Variants in CD83 observed in about 807,000 individuals in gnomAD.
CD83 encodes the protein CD83 antigen.
A neutral mutation model predicts 24.6 loss-of-function variants in CD83; 22 were observed. The observed-to-expected ratio is 0.90, with a 90% CI of 0.64 to 1.28. The LOEUF is 1.28. CD83 is among the 50% of genes most tolerant of loss of function. The pLI is 0.00. For missense variants in CD83, 253 were observed against 252.8 expected (o/e 1.00, Z -0.01); for synonymous variants, 101 against 103.5 (o/e 0.98, Z 0.14).
chr6:14,127,404 TAGGA>T (rs1759844349), intron 2 of CD83, among the ~76,000 whole-genome samples: 1 of 152,180 alleles, frequency 6.6e-6, no homozygotes, highest in African/African-American at 2.4e-5. Context: ...TATGGTAATG[TAGGA>T]GGTTGGCATA....
chr6:14,120,214 A>G (rs1446716929), intron 2 of CD83, among the ~76,000 whole-genome samples: 1 of 152,236 alleles, frequency 6.6e-6, no homozygotes, highest in African/African-American at 2.4e-5. Context: ...AGGTGCCTCG[A>G]AAGTGACATA....
At chr6:14,124,160 G>A (rs971155284) in intron 2 of CD83, among the ~76,000 whole-genome samples, 5 of 152,124 alleles carry the variant, frequency 3.3e-5, no homozygotes, top group Admixed American at 6.5e-5. Context: ...TAAAATTTCC[G>A]TGTGTGTCAT....
intron 2 of CD83, among the ~76,000 whole-genome samples, chr6:14,124,951 A>T (rs1260269170): frequency 3.9e-5 from 6 of 152,296 alleles, no homozygotes; most frequent in South Asian, 2.1e-4. Context: ...TGATGTCCTG[A>T]TAGGAGAAAA....
chr6:14,126,327 G>A (rs755738023), intron 2 of CD83, among the ~76,000 whole-genome samples: 9 of 152,198 alleles, frequency 5.9e-5, no homozygotes, highest in Admixed American at 2.0e-4. Context: ...AGGGCTTTCT[G>A]TGTGATCGAT....
intron 2 of CD83, among the ~76,000 whole-genome samples, chr6:14,125,206 G>T (rs531619387): frequency 6.6e-6 from 1 of 152,336 alleles, no homozygotes; most frequent in East Asian, 1.9e-4. Flanking sequence ...CACCCAGTTT[G>T]TGGTGCTCTG....
chr6:14,133,524 C>G lies in CD83; in HGVS notation c.383-125C>G, dbSNP rs560348561. The stretch of plus-strand genomic sequence containing the variant: ...CTTCACTGTCACTGTTACTGTCGTT[C>G]ATCCTGATGGTGGGAAGAGGAGACA... On this transcript the variant is annotated intron_variant, in intron 3 of 4. Coordinates refer to ENST00000379153, the MANE Select transcript of CD83 (RefSeq NM_004233.4). 1.2e-4 allele frequency: 78 copies of G among 655,302 alleles called. 2 individuals carry two copies. The highest frequency in any genetic ancestry group is 2.3e-4 in the South Asian group (12 of 51,618). 40.6% of individuals were successfully genotyped at this position (655,302 alleles called of 1,614,324 possible). A position where few individuals can be genotyped will look rare whatever the true frequency, so the allele number is the denominator to read the frequency against.
intron 4 of CD83, among the ~76,000 whole-genome samples, chr6:14,134,799 G>C (rs1758005461): frequency 2.0e-5 from 3 of 152,362 alleles, no homozygotes; most frequent in Admixed American, 2.0e-4. Context: ...TTACCAGGCA[G>C]TATGTTTTAA....
In CD83 at chr6:14,117,976, G is replaced by C. The variant is rs543401049; in HGVS notation, c.64G>C (p.Glu22Gln). The C allele has an allele frequency of 1.4e-5, 22 of 1,610,562 alleles. No homozygotes were observed. The highest frequency in any genetic ancestry group is 1.8e-5 in the Non-Finnish European group (21 of 1,179,278). The part of the protein sequence containing the change: ...CAYSLAPATP[E>Q]VKVACSEDVD... ...CTACAGCCTGGCTCCCGCGACGCCG[G>C]AGGTGAAGGTGGCTTGCTCCGAAGA... is the stretch of plus-strand genomic sequence containing the variant. Residue 22 changes from glutamate (E) to glutamine (Q), a missense_variant, in exon 2 of 5, where the codon GAG (glutamate) becomes CAG (glutamine). Glu to Gln is a conservative substitution (Grantham distance 29). Transcript: ENST00000379153. The surrounding 1 kb of genome is among the most constrained non-coding windows in gnomAD (Gnocchi z 4.6).
chr6:14,118,177 C>A, intron 2 of CD83, 112 bp downstream of exon 2: 2 of 691,244 alleles, frequency 2.9e-6, no homozygotes, highest in Admixed American at 3.2e-5. Context: ...GGGCGAGGGG[C>A]GTCTCCCGCA....
intron 2 of CD83, 29 bp downstream of exon 2, chr6:14,118,094 G>T (rs1317978910): frequency 6.6e-7 from 1 of 1,516,660 alleles, no homozygotes. Flanking sequence ...ACGGGCTGGG[G>T]TTTGGTGGGC....
chr6:14,117,337 T>A (rs973386263), upstream of CD83: 5 of 152,174 alleles, frequency 3.3e-5, no homozygotes, highest in Non-Finnish European at 5.9e-5. This position sits in a 1 kb window ranked among gnomAD's most constrained non-coding sequence, Gnocchi z 4.6. Context: ...CTGAGGAAGT[T>A]GCCCACCCTC....
chr6:14,134,124 G>A (rs902700934), intron 4 of CD83, among the ~76,000 whole-genome samples: 1 of 152,368 alleles, frequency 6.6e-6, no homozygotes, highest in Non-Finnish European at 1.5e-5. Context: ...CTGTGGGTGA[G>A]GGAGTGGGCC....
chr6:14,118,523 A>G (rs1317018171), intron 2 of CD83, among the ~76,000 whole-genome samples: 1 of 152,148 alleles, frequency 6.6e-6, no homozygotes, highest in Admixed American at 6.5e-5. Flanking sequence ...GGAGGGGGCA[A>G]TTTGAAAGGA....
chr6:14,126,272 C>A (rs1001060611), intron 2 of CD83, among the ~76,000 whole-genome samples: 1 of 152,056 alleles, frequency 6.6e-6, no homozygotes, highest in Admixed American at 6.5e-5. Context: ...CAGAATGAAA[C>A]CTTGGTTATA....
upstream of CD83, chr6:14,117,752 GC>G: frequency 7.6e-7 from 1 of 1,308,562 alleles, no homozygotes; most frequent in Non-Finnish European, 9.9e-7. This position sits in a 1 kb window ranked among gnomAD's most constrained non-coding sequence, Gnocchi z 4.6. Context: ...GCATAAAAGG[GC>G]AGCCGGCGCC....
intron 2 of CD83, among the ~76,000 whole-genome samples, chr6:14,125,047 C>T (rs1759773386): frequency 6.6e-6 from 1 of 152,134 alleles, no homozygotes; most frequent in Non-Finnish European, 1.5e-5. Flanking sequence ...CAAGCAACGC[C>T]GAGGACTGCT....
chr6:14,132,685 G>C (rs1169711407), intron 3 of CD83, among the ~76,000 whole-genome samples: 1 of 148,238 alleles, frequency 6.7e-6, no homozygotes, highest in East Asian at 2.0e-4. Context: ...ACATATTAGG[G>C]ACCATGAGGA....
intron 2 of CD83, among the ~76,000 whole-genome samples, chr6:14,128,956 C>A (rs1759884772): frequency 6.6e-6 from 1 of 152,182 alleles, no homozygotes; most frequent in Admixed American, 6.5e-5. Context: ...CAGTTCCCAG[C>A]AGCTAACACA....
upstream of CD83, chr6:14,117,762 C>T (rs1289495891): frequency 3.9e-5 from 52 of 1,349,660 alleles, no homozygotes; most frequent in East Asian, 1.5e-3. The surrounding 1 kb of genome is among the most constrained non-coding windows in gnomAD (Gnocchi z 4.6). Flanking sequence ...GCAGCCGGCG[C>T]CCGCGCGCCA....
Sources: allele counts gnomAD v4.1 joint callset (sites outside exome capture counted in the v4.1 genomes callset), GRCh38; gene constraint gnomAD v4.1.1; non-coding constraint Gnocchi (gnomAD v3.1); transcripts MANE v1.5; gene names NCBI Gene and HGNC (gene_info 2026-07-23, HGNC 2026-07-21).